The following HDAC5 variants were observed in gnomAD, a reference collection of about 807,000 sequenced individuals.
HDAC5 encodes antigen NY-CO-9.
HDAC5 carries 25 observed loss-of-function variants against 133.3 expected under a neutral mutation model. The observed-to-expected ratio is 0.19, with a 90% CI of 0.14 to 0.26. The LOEUF (loss-of-function observed/expected upper bound fraction) is 0.26. HDAC5 is among the 10% of genes least tolerant of loss of function. The pLI, the probability that HDAC5 is intolerant of heterozygous loss-of-function variation, is 1.00. For synonymous variants in HDAC5, 589 were observed against 610.8 expected (o/e 0.96, Z 0.53); for missense variants, 1,041 against 1,460.5 (o/e 0.71, Z 4.68).
intron 3 of HDAC5, among the ~76,000 whole-genome samples, chr17:44,105,692 CCTGA>C (rs952462797): frequency 3.3e-5 from 5 of 152,228 alleles, no homozygotes; most frequent in African/African-American, 7.2e-5. Flanking sequence ...CATCCTCTCT[CCTGA>C]CTGACAGGCG....
In HDAC5 at chr17:44,079,262, G is replaced by A; in HGVS notation, c.2960C>T (p.Thr987Ile). ...CCCTGCCAGGGTCATCAGCTGCCTG[G>A]TCAAGTGGCCAAAACCTTTGAGGAT... is the stretch of plus-strand genomic sequence containing the variant. ...SVTARCFGHL[T>I]RQLMTLAGGR... Residue 987 changes from threonine (T) to isoleucine (I), a missense_variant, in exon 24 of 27, where the codon ACC (threonine) becomes ATC (isoleucine). By Grantham distance (89) the Thr-to-Ile change is moderately conservative. Coordinates refer to ENST00000682912, the MANE Select transcript of HDAC5 (RefSeq NM_005474.5). 1 of 1,613,684 alleles carries A rather than the reference G, an allele frequency of 6.2e-7. No homozygotes were observed. Among genetic ancestry groups the A allele is most frequent in the Non-Finnish European group, 8.5e-7 (1 of 1,179,812 alleles).
intron 13 of HDAC5, among the ~76,000 whole-genome samples, 176 bp downstream of exon 13, chr17:44,087,236 A>T (rs1197465351): frequency 6.6e-6 from 1 of 151,676 alleles, no homozygotes; most frequent in Non-Finnish European, 1.5e-5. Context: ...CAACACAAAC[A>T]GCTCCCCCTT....
chr17:44,109,501 G>C (rs1276046392), intron 3 of HDAC5, among the ~76,000 whole-genome samples: 1 of 152,192 alleles, frequency 6.6e-6, no homozygotes, highest in African/African-American at 2.4e-5. Context: ...CCCTATCCTC[G>C]GGGCCTGCAT....
At chr17:44,096,566 T>C (rs371576759) in intron 3 of HDAC5, among the ~76,000 whole-genome samples, 2 of 150,832 alleles carry the variant, frequency 1.3e-5, no homozygotes, top group Non-Finnish European at 3.0e-5. Context: ...CTCTGCCTCC[T>C]GGGTTCAAGC....
chr17:44,084,880 AT>A, intron 15 of HDAC5, 141 bp downstream of exon 15: 1 of 1,285,904 alleles, frequency 7.8e-7, no homozygotes, highest in South Asian at 1.4e-5. Flanking sequence ...GCTGCAAGGG[AT>A]GGAACGGGGT....
At chr17:44,088,635 AGG>A (rs767533259) in intron 11 of HDAC5, 37 bp from the exon 12 acceptor site, 7 of 1,591,562 alleles carry the variant, frequency 4.4e-6, no homozygotes, top group Non-Finnish European at 6.0e-6. Context: ...CACCATTGTC[AGG>A]GCACCTGACT....
At chr17:44,079,975 T>C (rs999689183) in intron 23 of HDAC5, 132 bp downstream of exon 23, 7 of 721,536 alleles carry the variant, frequency 9.7e-6, no homozygotes, top group East Asian at 5.1e-5. Flanking sequence ...GTTACCAAGA[T>C]GATTCCAAGT....
intron 14 of HDAC5, 120 bp downstream of exon 14, chr17:44,086,452 T>A (rs1171551924): frequency 1.6e-5 from 12 of 749,892 alleles, no homozygotes; most frequent in Non-Finnish European, 2.2e-5. Flanking sequence ...AAGGCCTGTG[T>A]CCCCTCCTTT....
In HDAC5 at chr17:44,078,853, C is replaced by T. The variant is rs1597920659; in HGVS notation, c.3105G>A (p.Leu1035=). The change falls in exon 25 of 27, where the codon TTG becomes TTA. Residue 1035 remains leucine, a synonymous_variant. Transcript: ENST00000682912. The part of the protein sequence containing the change: ...VELQPLDEAV[L]QQKPNINAVA... ...CTGCGTTGATGTTGGGCTTTTGCTG[C>T]AAGACTGCCTCATCCAAGGGCTGCA... 1.2e-6 allele frequency: 2 copies of T among 1,614,172 alleles called. No individual in the cohort carries two copies. Among genetic ancestry groups the T allele is most frequent in the African/African-American group, 2.7e-5 (2 of 75,028 alleles).
intron 22 of HDAC5, 75 bp downstream of exon 22, chr17:44,080,326 G>C: frequency 6.5e-7 from 1 of 1,549,704 alleles, no homozygotes; most frequent in Non-Finnish European, 8.9e-7. Flanking sequence ...ACACTGAACT[G>C]AGTGCCTTCT....
At chr17:44,103,778 G>A (rs1013207982) in intron 3 of HDAC5, among the ~76,000 whole-genome samples, 16 of 150,788 alleles carry the variant, frequency 1.1e-4, no homozygotes, top group Admixed American at 7.9e-4. Flanking sequence ...GCACGATCTC[G>A]GCTCACTGCA....
intron 1 of HDAC5, among the ~76,000 whole-genome samples, chr17:44,122,640 T>C (rs2053082687): frequency 6.6e-6 from 1 of 152,016 alleles, no homozygotes; most frequent in Non-Finnish European, 1.5e-5. Context: ...ACCTCCCCAC[T>C]TCAACAGCCC....
chr17:44,085,587 T>C (rs1428412841), intron 14 of HDAC5, among the ~76,000 whole-genome samples: 3 of 152,070 alleles, frequency 2.0e-5, no homozygotes, highest in African/African-American at 4.8e-5. Flanking sequence ...CTGCAACCTC[T>C]GCCTCCTGGG....
intron 3 of HDAC5, among the ~76,000 whole-genome samples, chr17:44,102,558 A>C (rs1691812962): frequency 6.6e-6 from 1 of 150,764 alleles, no homozygotes; most frequent in Non-Finnish European, 1.5e-5. Context: ...ACGGAGTTTC[A>C]CCATGTTGGC....
At position 44,088,367 on chromosome 17, in the gene HDAC5, A is replaced by G; in HGVS notation, c.1599+20T>C. The stretch of plus-strand genomic sequence containing the variant: ...CCTGCCCCCACCACAGCCCCAGGCC[A>G]TTCACCTTTCCAGGCTCACCTTGCC... On this transcript the variant is annotated intron_variant, in intron 12 of 26. Coordinates refer to ENST00000682912, the MANE Select transcript of HDAC5 (RefSeq NM_005474.5). 6.5e-7 allele frequency: 1 copy of G among 1,545,950 alleles called. No homozygotes were observed. The highest frequency in any genetic ancestry group is 8.7e-7 in the Non-Finnish European group (1 of 1,146,256).
At position 44,087,988 on chromosome 17, in the gene HDAC5, C is replaced by T. The variant is rs183062529; in HGVS notation, c.1600-292G>A. On this transcript the variant is annotated intron_variant, in intron 12 of 26. Coordinates refer to ENST00000682912, the MANE Select transcript of HDAC5 (RefSeq NM_005474.5). ...CCTCCCCAGTGACTGGGGTTACAGG[C>T]GCACGCCACCACGCCCAGCTAATTT... 6.6e-5 allele frequency among the ~76,000 whole-genome samples: 10 copies of T among 151,958 alleles called. No homozygotes were observed. The East Asian group carries it at 1.6e-3, about 24-fold the overall frequency.
intron 15 of HDAC5, 128 bp downstream of exon 15, chr17:44,084,894 T>G: frequency 1.5e-6 from 2 of 1,323,174 alleles, no homozygotes; most frequent in Non-Finnish European, 2.1e-6. Flanking sequence ...AACGGGGTGG[T>G]GGGAGAACTG....
intron 3 of HDAC5, among the ~76,000 whole-genome samples, chr17:44,105,738 G>A (rs1000745980): frequency 4.6e-5 from 7 of 152,148 alleles, no homozygotes; most frequent in Admixed American, 3.3e-4. Context: ...TTTCTAGGGC[G>A]ACAGCCTCCC....
At position 44,086,431 on chromosome 17, in the gene HDAC5, G is replaced by T. The variant is rs956026366; in HGVS notation, c.2050+141C>A. The T allele has an allele frequency of 5.2e-6, 3 of 580,584 alleles. No homozygotes were observed. The Admixed American group carries it at 1.3e-4, about 25-fold the overall frequency. The allele number at this position is 580,584 out of a possible 1,614,324, so 36.0% of individuals were successfully genotyped here. On this transcript the variant is annotated intron_variant, in intron 14 of 26. Coordinates refer to ENST00000682912, the MANE Select transcript of HDAC5 (RefSeq NM_005474.5). The stretch of plus-strand genomic sequence containing the variant: ...CTACCATGAACAGCTCTGGGGTACA[G>T]GGAGAGAACGAAGGCCTGTGTCCCC...
Sources: allele counts gnomAD v4.1 joint callset (sites outside exome capture counted in the v4.1 genomes callset), GRCh38; gene constraint gnomAD v4.1.1; transcripts MANE v1.5; gene names NCBI Gene and HGNC (gene_info 2026-07-23, HGNC 2026-07-21).